The following PRTG variants were observed in gnomAD, a reference collection of about 807,000 sequenced individuals.
The protein encoded by PRTG is protogenin.
Under a neutral mutation model 122.5 loss-of-function variants are expected in PRTG, and 67 were observed. That is an observed-to-expected ratio of 0.55 (90% CI 0.45 to 0.67). The LOEUF (loss-of-function observed/expected upper bound fraction) is 0.67. PRTG is among the 30% of genes least tolerant of loss of function. The pLI, the probability that PRTG is intolerant of heterozygous loss-of-function variation, is 0.00. For synonymous variants in PRTG, 554 were observed against 501.1 expected (o/e 1.11, Z -1.41); for missense variants, 1,435 against 1,415.4 (o/e 1.01, Z -0.22).
At chr15:55,740,750 C>T (rs1198427215) in intron 1 of PRTG, 66 bp from the exon 2 acceptor site, 1 of 1,360,358 alleles carries the variant, frequency 7.4e-7, no homozygotes, top group Non-Finnish European at 1.0e-6. Context: ...CCTTAACACA[C>T]AACTGTAAAA....
At chr15:55,643,375 AG>A (rs1403340479) in intron 11 of PRTG, among the ~76,000 whole-genome samples, 2 of 152,218 alleles carry the variant, frequency 1.3e-5, no homozygotes, top group African/African-American at 4.8e-5. Context: ...TTTGACTATC[AG>A]AAAACACCAT....
chr15:55,737,218 C>T (rs1316954007), intron 2 of PRTG, among the ~76,000 whole-genome samples: 5 of 152,208 alleles, frequency 3.3e-5, no homozygotes, highest in African/African-American at 4.8e-5. Context: ...AGAAAAAGGG[C>T]ATCCCATGTC....
At chr15:55,626,626 C>T (rs893638532) in intron 17 of PRTG, among the ~76,000 whole-genome samples, 25 of 150,816 alleles carry the variant, frequency 1.7e-4, no homozygotes, top group Non-Finnish European at 2.9e-4. Flanking sequence ...GGCGTGGTGG[C>T]GGGCGCCTGG....
chr15:55,624,615 C>T, intron 17 of PRTG, 108 bp from the exon 18 acceptor site: 5 of 741,546 alleles, frequency 6.7e-6, no homozygotes, highest in Non-Finnish European at 1.0e-5. Flanking sequence ...TTCTTTAATA[C>T]CCATTTCTCA....
Position 55,620,220 on chromosome 15 carries a change from G to A in PRTG, c.3245C>T (p.Thr1082Ile). 1.9e-6 allele frequency: 3 copies of A among 1,614,180 alleles called. No homozygotes were observed. Among genetic ancestry groups the A allele is most frequent in the Non-Finnish European group, 2.5e-6 (3 of 1,180,034 alleles). ...GTCTTCATCACTGATTAATACAGTG[G>A]TGCCTGGCTGGTAAAAGCAGACCGC... Reference protein sequence around the residue: ...TPAVCFYQPGTTVLISDEDSP... With the variant: ...TPAVCFYQPGITVLISDEDSP... Residue 1082 changes from threonine to isoleucine, a missense_variant, in exon 20 of 20, where the codon ACC (threonine) becomes ATC (isoleucine). Physicochemically the swap from Thr to Ile is moderately conservative, Grantham distance 89 (BLOSUM62 -1). Coordinates refer to ENST00000389286, the MANE Select transcript of PRTG (RefSeq NM_173814.6).
In PRTG at chr15:55,673,409, C is replaced by G; in HGVS notation, c.1814G>C (p.Trp605Ser). ...AGCTTTGGGCGTCCTATGTGAAGTC[C>G]ATACTGATGACTCTCCCAGCCCCAC... ...TRVGLGESSVWTSHRTPKATS... is the reference protein window; with the variant it reads ...TRVGLGESSVSTSHRTPKATS... Residue 605 changes from tryptophan to serine, a missense_variant, in exon 10 of 20, where the codon TGG becomes TCG. Transcript: ENST00000389286. 1 of 1,614,100 alleles carries G rather than the reference C, an allele frequency of 6.2e-7. No homozygotes were observed. The highest frequency in any genetic ancestry group is 8.5e-7 in the Non-Finnish European group (1 of 1,179,970).
At chr15:55,727,792 A>G (rs1360336363) in intron 2 of PRTG, among the ~76,000 whole-genome samples, 3 of 152,140 alleles carry the variant, frequency 2.0e-5, no homozygotes, top group Non-Finnish European at 4.4e-5. Flanking sequence ...CGAGACTCCA[A>G]CTCAAAAGAA....
rs1001299881 is a variant in PRTG, at chr15:55,612,198, T to C, written c.*7814A>G. ...GCTAATCATCAGTAATAATTTTCAT[T>C]TGCAAACAAAATAGATATCCAGAAT... On this transcript the variant is annotated 3_prime_UTR_variant, in exon 20 of 20. Coordinates refer to ENST00000389286, the MANE Select transcript of PRTG (RefSeq NM_173814.6). 3 of 152,084 alleles carry C rather than the reference T, an allele frequency of 2.0e-5. No individual in the cohort carries two copies. The highest frequency in any genetic ancestry group is 4.4e-5 in the Non-Finnish European group (3 of 67,956). The allele number at this position is 152,084 out of a possible 1,614,324, so 9.4% of individuals were successfully genotyped here.
At position 55,613,064 on chromosome 15, in the gene PRTG, C is replaced by G. The variant is rs1311622220; in HGVS notation, c.*6948G>C. 2 of 151,882 alleles carry G rather than the reference C, an allele frequency of 1.3e-5. No homozygotes were observed. Among genetic ancestry groups the G allele is most frequent in the Admixed American group, 6.6e-5 (1 of 15,244 alleles). The allele number at this position is 151,882 out of a possible 1,614,324, so 9.4% of individuals were successfully genotyped here. A position where few individuals can be genotyped will look rare whatever the true frequency, so the allele number is the denominator to read the frequency against. ...AATTTTCTCTTAAGTTTTCAAAGTACTATTGTTTCATTTTGCACAAAAAAA... is the reference window on the plus strand; with the variant it reads ...AATTTTCTCTTAAGTTTTCAAAGTAGTATTGTTTCATTTTGCACAAAAAAA... On this transcript the variant is annotated 3_prime_UTR_variant, in exon 20 of 20. Transcript: ENST00000389286.
At chr15:55,679,520 G>T in intron 6 of PRTG, 75 bp from the exon 7 acceptor site, 1 of 1,146,428 alleles carries the variant, frequency 8.7e-7, no homozygotes, top group Non-Finnish European at 1.2e-6. Context: ...GAAGAAAACA[G>T]CAAATGAAAC....
chr15:55,637,028 C>T (rs779235084), intron 15 of PRTG, 142 bp downstream of exon 15: 2 of 600,464 alleles, frequency 3.3e-6, no homozygotes, highest in Non-Finnish European at 5.3e-6. Context: ...CTTCCCGATG[C>T]CCTTTGAACA....
intron 2 of PRTG, 89 bp downstream of exon 2, chr15:55,740,293 T>C (rs1451084462): frequency 1.0e-5 from 13 of 1,253,124 alleles, no homozygotes; most frequent in African/African-American, 7.5e-5. Flanking sequence ...AATGCATGCA[T>C]GATTCGGGGG....
At position 55,742,854 on chromosome 15, in the gene PRTG, C is replaced by G. The variant is rs1197477864; in HGVS notation, c.78G>C (p.Leu26=). The G allele has an allele frequency of 1.9e-6, 3 of 1,540,104 alleles. No homozygotes were observed. Among genetic ancestry groups the G allele is most frequent in the Non-Finnish European group, 2.6e-6 (3 of 1,141,932 alleles). Residue 26 remains leucine (L), a synonymous_variant, in exon 1 of 20, where the codon CTG becomes CTC. Coordinates refer to ENST00000389286, the MANE Select transcript of PRTG (RefSeq NM_173814.6). ...CGCGCCCACCTGGCAAAGGACTGAG[C>G]AGCAGCAGGAGCAGGAGCGCGCGGA... ...MLLRALLLLL[L]LSPLPGVWCF...
rs561473440 is a variant in PRTG, at chr15:55,624,556, A to C, written c.2928-49T>G. ...AGTCTTCTAATTTCATAGAAGATGC[A>C]GGCAAATGAACCACCTGGCCTATCA... is the stretch of plus-strand genomic sequence containing the variant. On this transcript the variant is annotated intron_variant, in intron 17 of 19. Transcript: ENST00000389286. 5.1e-4 allele frequency: 787 copies of C among 1,535,866 alleles called. 12 individuals are homozygous for C. The South Asian group carries it at 9.3e-3, about 18-fold the overall frequency.
At position 55,620,038 on chromosome 15, in the gene PRTG, T is replaced by C; in HGVS notation, c.3427A>G (p.Ile1143Val). Residue 1143 changes from isoleucine to valine, a missense_variant, in exon 20 of 20, where the codon ATA becomes GTA. Transcript: ENST00000389286. ...CAGAGGTTGGGGGGTGTGGTACTTA[T>C]AACTGAGGACAGATGTATCTCATCG... ...SNDEIHLSSV[I>V]STTPPNL The C allele has an allele frequency of 1.9e-6, 3 of 1,614,180 alleles. No individual in the cohort carries two copies. Among genetic ancestry groups the C allele is most frequent in the Non-Finnish European group, 2.5e-6 (3 of 1,180,022 alleles).
In PRTG at chr15:55,675,982, C is replaced by A. The variant is rs148986858; in HGVS notation, c.1382-299G>T. 3.5e-4 allele frequency among the ~76,000 whole-genome samples: 53 copies of A among 152,224 alleles called. No homozygotes were observed. The East Asian group carries it at 8.5e-3, about 24-fold the overall frequency. On this transcript the variant is annotated intron_variant, in intron 8 of 19. Coordinates refer to ENST00000389286, the MANE Select transcript of PRTG (RefSeq NM_173814.6). ...GAGACAATGTACAGTAGTAACATAA[C>A]AGAGCTTAACACAACAGAATATTGT...
At chr15:55,652,930 A>G (rs2059360846) in intron 11 of PRTG, among the ~76,000 whole-genome samples, 1 of 152,166 alleles carries the variant, frequency 6.6e-6, no homozygotes, top group African/African-American at 2.4e-5. Flanking sequence ...AATATCTTAC[A>G]TGAAGGTACT....
intron 2 of PRTG, among the ~76,000 whole-genome samples, chr15:55,720,410 TTTTC>T (rs1330834478): frequency 6.6e-6 from 1 of 152,124 alleles, no homozygotes; most frequent in African/African-American, 2.4e-5. Flanking sequence ...ACTATGGCTG[TTTTC>T]TTTCTAAGGA....
At chr15:55,710,647 C>CT (rs1240027577) in intron 2 of PRTG, among the ~76,000 whole-genome samples, 18 of 152,140 alleles carry the variant, frequency 1.2e-4, no homozygotes, top group Admixed American at 1.0e-3. Flanking sequence ...ATACTTTTGT[C>CT]TTTAAGTCAT....
Sources: allele counts gnomAD v4.1 joint callset (sites outside exome capture counted in the v4.1 genomes callset), GRCh38; gene constraint gnomAD v4.1.1; transcripts MANE v1.5; gene names NCBI Gene and HGNC (gene_info 2026-07-23, HGNC 2026-07-21).